The following NCLN variants were observed in gnomAD, a reference collection of about 807,000 sequenced individuals.
NCLN encodes BOS complex subunit NCLN.
NCLN carries 34 observed loss-of-function variants against 69.5 expected under a neutral mutation model. The observed-to-expected ratio is 0.49, with a 90% CI of 0.37 to 0.65. The LOEUF is 0.65. Ranked by LOEUF, NCLN falls within the 30% of genes least tolerant of loss-of-function variation. The pLI is 0.00. For missense variants in NCLN, 710 were observed against 804.8 expected (o/e 0.88, Z 1.42); for synonymous variants, 393 against 358.3 (o/e 1.10, Z -1.09).
In NCLN at chr19:3,204,621, CG is replaced by C; in HGVS notation, c.1080del (p.Ile361SerfsTer51). On this transcript the variant is annotated frameshift_variant, in exon 9 of 15. Transcript: ENST00000246117. LOFTEE classifies it high-confidence loss of function. ...PEVRFSMVHK[R>X]INLAEDVLAW... is the part of the protein sequence containing the mutation. ...GGTACGGTTCTCCATGGTGCACAAG[CG>C]GATCAACCTGGCGGAGGACGTGCTG... 2 of 1,602,430 alleles carry C rather than the reference CG, an allele frequency of 1.2e-6. No homozygotes were observed. The highest frequency in any genetic ancestry group is 1.7e-6 in the Non-Finnish European group (2 of 1,174,928).
rs1472327596 is a variant in NCLN at position 3,206,428 on chromosome 19, G to T, written c.1499+3G>T. On this transcript the variant is annotated splice_donor_region_variant and intron_variant, in intron 12 of 14. Transcript: ENST00000246117. Reference sequence around the variant, plus strand: ...CACCACGTCAAGGCTGACAAGCGGTGAGGCTGGGGCTCCGCGCTGGCCCCG... The same window carrying T: ...CACCACGTCAAGGCTGACAAGCGGTTAGGCTGGGGCTCCGCGCTGGCCCCG... 1.9e-6 allele frequency: 3 copies of T among 1,545,710 alleles called. No homozygotes were observed. Among genetic ancestry groups the T allele is most frequent in the Admixed American group, 3.9e-5 (2 of 50,864 alleles).
intron 6 of NCLN, among the ~76,000 whole-genome samples, chr19:3,202,878 TG>T (rs1721222123): frequency 6.6e-6 from 1 of 151,974 alleles, no homozygotes; most frequent in Non-Finnish European, 1.5e-5. Flanking sequence ...TCTTGGCAGC[TG>T]GGGAGAGGTT....
chr19:3,192,672 C>A lies in NCLN; in HGVS notation c.375+12C>A. The A allele has an allele frequency of 6.6e-7, 1 of 1,519,268 alleles. No individual in the cohort carries two copies. 94.1% of individuals were successfully genotyped at this position (1,519,268 alleles called of 1,614,324 possible). A position where few individuals can be genotyped will look rare whatever the true frequency, so the allele number is the denominator to read the frequency against. On this transcript the variant is annotated intron_variant, in intron 2 of 14. Coordinates refer to ENST00000246117, the MANE Select transcript of NCLN (RefSeq NM_020170.4). Reference sequence around the variant, plus strand: ...AGGACGTCGTCCGGGTGAGCGTCTGCCCTGCCCCGCCCGGCTCAGGTCCAG... The same window carrying A: ...AGGACGTCGTCCGGGTGAGCGTCTGACCTGCCCCGCCCGGCTCAGGTCCAG...
In NCLN at chr19:3,186,139, C is replaced by G. The variant is rs200946193; in HGVS notation, c.109C>G (p.Leu37Val). The stretch of plus-strand genomic sequence containing the variant: ...TGTGCTGCTGCTGGTGGCGCCGCCG[C>G]TGCCTGCCGCCGACGCCGCGCACGA... ...PAVLLLVAPP[L>V]PAADAAHEFT... is the part of the protein sequence containing the mutation. Residue 37 changes from leucine (L) to valine (V), a missense_variant, in exon 1 of 15, where the codon CTG becomes GTG. Transcript: ENST00000246117. The G allele has an allele frequency of 1.4e-4, 220 of 1,596,646 alleles. No individual in the cohort carries two copies. Among genetic ancestry groups the G allele is most frequent in the Non-Finnish European group, 1.8e-4 (213 of 1,173,920 alleles).
At chr19:3,199,518 T>C (rs1361970895) in intron 5 of NCLN, among the ~76,000 whole-genome samples, 2 of 152,146 alleles carry the variant, frequency 1.3e-5, no homozygotes, top group East Asian at 3.9e-4. Flanking sequence ...CCATGGTGTT[T>C]GCAGGAACAG....
In NCLN at chr19:3,186,001, C is replaced by T. The variant is rs1915656650; in HGVS notation, c.-30C>T. ...CGCCGCCGCCGTCCCGTCCCAGCTG[C>T]CGCCCCGCGCGGCCCCGCCGCCGGC... On this transcript the variant is annotated 5_prime_UTR_variant, in exon 1 of 15. Transcript: ENST00000246117. 2 of 1,494,686 alleles carry T rather than the reference C, an allele frequency of 1.3e-6. No homozygotes were observed. Among genetic ancestry groups the T allele is most frequent in the Non-Finnish European group, 8.9e-7 (1 of 1,124,664 alleles). The allele number at this position is 1,494,686 out of a possible 1,614,324, so 92.6% of individuals were successfully genotyped here. A position where few individuals can be genotyped will look rare whatever the true frequency, so the allele number is the denominator to read the frequency against.
At chr19:3,192,414 C>T in intron 1 of NCLN, 56 bp from the exon 2 acceptor site, 2 of 1,444,646 alleles carry the variant, frequency 1.4e-6, no homozygotes, top group Non-Finnish European at 1.8e-6. Context: ...GGATCTGTCC[C>T]CTCCCGTCGG....
chr19:3,189,788 G>T (rs554968653), intron 1 of NCLN, among the ~76,000 whole-genome samples: 1 of 152,366 alleles, frequency 6.6e-6, no homozygotes, highest in East Asian at 1.9e-4. Context: ...CTGGGGAGAT[G>T]GGCCTTGGCC....
At chr19:3,194,494 T>C (rs1191169314) in intron 3 of NCLN, among the ~76,000 whole-genome samples, 2 of 152,252 alleles carry the variant, frequency 1.3e-5, no homozygotes, top group Non-Finnish European at 2.9e-5. Context: ...TTATTGGCAC[T>C]GGGCCACATT....
chr19:3,206,093 C>T (rs941248289), intron 10 of NCLN, 59 bp from the exon 11 acceptor site: 15 of 1,572,788 alleles, frequency 9.5e-6, no homozygotes, highest in Admixed American at 1.8e-5. Context: ...GGCCCCACCC[C>T]TGGCCCCAGC....
Position 3,208,072 on chromosome 19 carries a change from TGC to T in NCLN, c.*385_*386del. On this transcript the variant is annotated 3_prime_UTR_variant, in exon 15 of 15. Coordinates refer to ENST00000246117, the MANE Select transcript of NCLN (RefSeq NM_020170.4). ...CGCGCGGCCTCCGCCCACCGCCTCC[TGC>T]CGCAAGGGGCCTGGACTGCAGGCCT... 4.1e-6 allele frequency: 1 copy of T among 241,452 alleles called. No individual in the cohort carries two copies. The highest frequency in any genetic ancestry group is 5.8e-5 in the South Asian group (1 of 17,242). 15.0% of individuals were successfully genotyped at this position (241,452 alleles called of 1,614,324 possible).
At chr19:3,196,876 G>A (rs138971018) in intron 4 of NCLN, among the ~76,000 whole-genome samples, 4 of 152,364 alleles carry the variant, frequency 2.6e-5, no homozygotes, top group Admixed American at 6.5e-5. Context: ...GGACGGCGCC[G>A]GTGAGGGGTG....
At chr19:3,204,777 C>T (rs1329396021) in intron 9 of NCLN, 26 bp downstream of exon 9, 2 of 1,440,052 alleles carry the variant, frequency 1.4e-6, no homozygotes, top group South Asian at 1.5e-5. Context: ...CCTGCCCGGC[C>T]CCTCCTAGGG....
chr19:3,206,340 G>A lies in NCLN; in HGVS notation c.1414G>A (p.Asp472Asn). The A allele has an allele frequency of 6.5e-7, 1 of 1,548,352 alleles. No homozygotes were observed. The highest frequency in any genetic ancestry group is 8.7e-7 in the Non-Finnish European group (1 of 1,146,940). The change falls in exon 12 of 15, where the codon GAC (aspartate) becomes AAC (asparagine). Residue 472 changes from aspartate (D) to asparagine (N), a missense_variant. By Grantham distance (23) the Asp-to-Asn change is conservative. Coordinates refer to ENST00000246117, the MANE Select transcript of NCLN (RefSeq NM_020170.4). ...GCGGGCCGCGCAGCTGGTGGACAAG[G>A]ACAGCACCTTCCTCAGCACGCTGGA... Reference protein sequence around the residue: ...QPRAAQLVDKDSTFLSTLEHH... With the variant: ...QPRAAQLVDKNSTFLSTLEHH...
Position 3,208,914 on chromosome 19 carries a change from G to A in NCLN, c.*1226G>A, listed in dbSNP as rs960016926. The A allele has an allele frequency of 1.3e-5, 2 of 152,454 alleles. No individual in the cohort carries two copies. Among genetic ancestry groups the A allele is most frequent in the African/African-American group, 4.8e-5 (2 of 41,446 alleles). 9.4% of individuals were successfully genotyped at this position (152,454 alleles called of 1,614,324 possible). On this transcript the variant is annotated 3_prime_UTR_variant, in exon 15 of 15. Transcript: ENST00000246117. ...GCGTCGTGTGTGTGTGGGAGAGAAG[G>A]AGGCCCGTGTTGAGCTCAGGGAGAC...
rs905762030 is a variant in NCLN at position 3,208,806 on chromosome 19, T to A, written c.*1118T>A. ...AGGAGAGGACTTGGGGCATGGCCTC[T>A]GGGGCCACCCTTCCTGGAACTCAGA... On this transcript the variant is annotated 3_prime_UTR_variant, in exon 15 of 15. Coordinates refer to ENST00000246117, the MANE Select transcript of NCLN (RefSeq NM_020170.4). The A allele has an allele frequency of 1.3e-5, 2 of 152,384 alleles. No homozygotes were observed. The highest frequency in any genetic ancestry group is 4.8e-5 in the African/African-American group (2 of 41,440). 9.4% of individuals were successfully genotyped at this position (152,384 alleles called of 1,614,324 possible). A position where few individuals can be genotyped will look rare whatever the true frequency, so the allele number is the denominator to read the frequency against.
Position 3,197,259 on chromosome 19 carries a change from C to A in NCLN, c.615+982C>A, listed in dbSNP as rs187499208. 6.8e-4 allele frequency among the ~76,000 whole-genome samples: 104 copies of A among 152,370 alleles called. 1 individual carries two copies. Among genetic ancestry groups the A allele is most frequent in the Middle Eastern group, 6.8e-3 (2 of 294 alleles). On this transcript the variant is annotated intron_variant, in intron 4 of 14. Transcript: ENST00000246117. ...TGGGGCCATGTCGATTCCCTTTCCC[C>A]TGGCTGTGCCCTTTCTCCTGTGAGC... is the stretch of plus-strand genomic sequence containing the variant.
chr19:3,201,631 G>C lies in NCLN; in HGVS notation c.800+5G>C. ...CTACAAGCGCACGCACGCCGCGTGA[G>C]TGCCGGGGTGGGCAGGGGGATGGGG... On this transcript the variant is annotated splice_donor_5th_base_variant and intron_variant, in intron 6 of 14. Transcript: ENST00000246117. 6.5e-7 allele frequency: 1 copy of C among 1,534,394 alleles called. No individual in the cohort carries two copies.
chr19:3,200,318 T>TC, intron 5 of NCLN, among the ~76,000 whole-genome samples: 1 of 147,882 alleles, frequency 6.8e-6, no homozygotes, highest in East Asian at 2.0e-4. Context: ...ATGTATTTTT[T>TC]TTTTTTTTTT....
Sources: gnomAD v4.1 joint callset for allele counts (sites outside exome capture counted in the v4.1 genomes callset) on GRCh38, gnomAD v4.1.1 for gene constraint, MANE v1.5 for transcripts, NCBI Gene and HGNC (gene_info 2026-07-23, HGNC 2026-07-21) for gene names.